The following PTK2B variants were observed in gnomAD, a reference collection of about 807,000 sequenced individuals.
The protein encoded by PTK2B is protein-tyrosine kinase 2-beta.
In PTK2B, 71 loss-of-function variants were observed where a neutral mutation model predicts 142.9. That is an observed-to-expected ratio of 0.50 (90% CI 0.41 to 0.61). The LOEUF is 0.61. PTK2B is among the 20% of genes least tolerant of loss of function. The pLI is 0.00. For synonymous variants in PTK2B, 519 were observed against 503.4 expected (o/e 1.03, Z -0.42); for missense variants, 1,105 against 1,320.4 (o/e 0.84, Z 2.53).
chr8:27,444,126 T>G (rs1038175205), intron 22 of PTK2B, 80 bp from the exon 23 acceptor site: 40 of 1,441,938 alleles, frequency 2.8e-5, no homozygotes, highest in Non-Finnish European at 3.8e-5. Context: ...TGAGGTGTCT[T>G]TGACCTGATG....
chr8:27,403,007 A>T (rs562821782), intron 2 of PTK2B, among the ~76,000 whole-genome samples: 23 of 152,286 alleles, frequency 1.5e-4, no homozygotes, highest in African/African-American at 5.1e-4. Context: ...CTGTGTGGGG[A>T]TGCAGTGTCC....
At chr8:27,336,637 A>G (rs924233331) in intron 1 of PTK2B, among the ~76,000 whole-genome samples, 1 of 152,250 alleles carries the variant, frequency 6.6e-6, no homozygotes, top group African/African-American at 2.4e-5. Context: ...ATAACAATAC[A>G]TTAACTTAAA....
chr8:27,400,091 G>A (rs538789242), intron 2 of PTK2B, among the ~76,000 whole-genome samples: 117 of 152,260 alleles, frequency 7.7e-4, no homozygotes, highest in Middle Eastern at 3.4e-3. Context: ...CCAGGTATCT[G>A]TCTTATTTTC....
At chr8:27,458,250 A>C in intron 30 of PTK2B, 44 bp from the exon 31 acceptor site, 26 of 1,580,674 alleles carry the variant, frequency 1.6e-5, no homozygotes, top group Non-Finnish European at 2.3e-5. Flanking sequence ...CTCCAAGCAC[A>C]GACTTTGTGG....
intron 5 of PTK2B, among the ~76,000 whole-genome samples, chr8:27,428,013 A>G (rs1810190401): frequency 6.6e-6 from 1 of 152,078 alleles, no homozygotes; most frequent in Non-Finnish European, 1.5e-5. Context: ...AAATAAATAT[A>G]CAACTCACCA....
chr8:27,430,983 C>T lies in PTK2B; in HGVS notation c.777C>T (p.Asn259=), dbSNP rs1180245254. 1 of 1,614,184 alleles carries T rather than the reference C, an allele frequency of 6.2e-7. No homozygotes were observed. Among genetic ancestry groups the T allele is most frequent in the Non-Finnish European group, 8.5e-7 (1 of 1,180,032 alleles). ...KFFNTLAGFA[N]IDQETYRCEL... ...TCAACACTCTCGCCGGCTTCGCCAACATCGACCAGGAGACCTACCGCTGTG... is the reference window on the plus strand; with the variant it reads ...TCAACACTCTCGCCGGCTTCGCCAATATCGACCAGGAGACCTACCGCTGTG... Residue 259 remains asparagine, a synonymous_variant, in exon 8 of 31, where the codon AAC becomes AAT. Coordinates refer to ENST00000346049, the MANE Select transcript of PTK2B (RefSeq NM_173176.3).
In PTK2B at chr8:27,451,046, C is replaced by T; in HGVS notation, c.2491C>T (p.Pro831Ser). The stretch of plus-strand genomic sequence containing the variant: ...GCTCTTGTTTCTTCCTCTGCAGGAC[C>T]CCATGGTTTATATGAATGATAAGTC... ...WLRQEEKSLD[P>S]MVYMNDKSPL... The change falls in exon 26 of 31, where the codon CCC (proline) becomes TCC (serine). Residue 831 changes from proline (P) to serine (S), a missense_variant. By Grantham distance (74) the Pro-to-Ser change is moderately conservative (BLOSUM62 -1). Transcript: ENST00000346049. The T allele has an allele frequency of 6.2e-7, 1 of 1,612,664 alleles. No homozygotes were observed. Among genetic ancestry groups the T allele is most frequent in the Non-Finnish European group, 8.5e-7 (1 of 1,178,662 alleles).
At chr8:27,437,296 G>A (rs1244103025) in intron 16 of PTK2B, 90 bp downstream of exon 16, 1 of 1,541,622 alleles carries the variant, frequency 6.5e-7, no homozygotes, top group African/African-American at 1.4e-5. Context: ...ACCCATGTTG[G>A]AGGAGGGGTT....
At chr8:27,451,153 C>A in intron 26 of PTK2B, 75 bp downstream of exon 26, 1 of 1,511,114 alleles carries the variant, frequency 6.6e-7, no homozygotes, top group Non-Finnish European at 9.2e-7. Flanking sequence ...ACCCCCCGCC[C>A]AACTTGCTCC....
chr8:27,374,853 G>A (rs976558930), intron 1 of PTK2B, among the ~76,000 whole-genome samples: 1 of 152,204 alleles, frequency 6.6e-6, no homozygotes, highest in Non-Finnish European at 1.5e-5. Flanking sequence ...GAGCTGAGGG[G>A]ATCAGTTTGC....
chr8:27,392,669 A>G (rs1012418931), intron 1 of PTK2B, among the ~76,000 whole-genome samples: 2 of 152,196 alleles, frequency 1.3e-5, no homozygotes, highest in Non-Finnish European at 2.9e-5. Flanking sequence ...ATTGAGAGCT[A>G]TGTTCTCTCA....
intron 1 of PTK2B, among the ~76,000 whole-genome samples, chr8:27,346,176 G>GC (rs1350918163): frequency 2.0e-5 from 3 of 152,184 alleles, no homozygotes; most frequent in African/African-American, 7.2e-5. Flanking sequence ...TTTTCCATTT[G>GC]CAGACAGGGA....
At chr8:27,407,250 G>A (rs900257068) in intron 2 of PTK2B, among the ~76,000 whole-genome samples, 1 of 152,120 alleles carries the variant, frequency 6.6e-6, no homozygotes, top group African/African-American at 2.4e-5. Flanking sequence ...CACAGCAGAA[G>A]GTGCAAGGGA....
At chr8:27,398,234 G>A (rs1352009905) in intron 2 of PTK2B, among the ~76,000 whole-genome samples, 1 of 152,224 alleles carries the variant, frequency 6.6e-6, no homozygotes, top group Admixed American at 6.5e-5. Context: ...GCACTGGTGG[G>A]GCACTTAGAG....
chr8:27,335,836 G>A (rs745521174), intron 1 of PTK2B, among the ~76,000 whole-genome samples: 16 of 152,286 alleles, frequency 1.1e-4, no homozygotes, highest in African/African-American at 1.9e-4. Context: ...ATCAGGGGGT[G>A]TGGGGACTTT....
At chr8:27,341,870 C>T (rs1586116138) in intron 1 of PTK2B, among the ~76,000 whole-genome samples, 1 of 152,084 alleles carries the variant, frequency 6.6e-6, no homozygotes, top group Non-Finnish European at 1.5e-5. Flanking sequence ...GAGATGGAGT[C>T]TTGCTCTGTT....
intron 1 of PTK2B, among the ~76,000 whole-genome samples, chr8:27,342,196 C>G (rs1804443305): frequency 6.6e-6 from 1 of 152,178 alleles, no homozygotes; most frequent in Admixed American, 6.5e-5. Context: ...ACCCCCTACT[C>G]CACGGGTGAG....
chr8:27,352,293 C>T (rs577058813), intron 1 of PTK2B, among the ~76,000 whole-genome samples: 1 of 152,370 alleles, frequency 6.6e-6, no homozygotes, highest in South Asian at 2.1e-4. Context: ...CACCCACCTA[C>T]TCACCTATAG....
chr8:27,311,240 C>G, upstream of PTK2B: 5 of 1,516,906 alleles, frequency 3.3e-6, no homozygotes, highest in South Asian at 2.6e-5. Context: ...CTCCATGGCA[C>G]GAGCAGCCGG....
Sources: allele counts gnomAD v4.1 joint callset (sites outside exome capture counted in the v4.1 genomes callset), GRCh38; gene constraint gnomAD v4.1.1; transcripts MANE v1.5; gene names NCBI Gene and HGNC (gene_info 2026-07-23, HGNC 2026-07-21).